Variants in TEX36 observed in about 807,000 individuals in gnomAD.
The protein encoded by TEX36 is testis-expressed protein 36.
TEX36 carries 12 observed loss-of-function variants against 13.6 expected under a neutral mutation model. The observed-to-expected ratio is 0.88, with a 90% CI of 0.56 to 1.43. The LOEUF (loss-of-function observed/expected upper bound fraction) is 1.43, where lower values mean the gene tolerates loss of function less well. Ranked by LOEUF, TEX36 falls within the 40% of genes most tolerant of loss-of-function variation. The pLI, the probability that TEX36 is intolerant of heterozygous loss-of-function variation, is 0.00. For synonymous variants in TEX36, 93 were observed against 83.0 expected, an observed-to-expected ratio of 1.12 and a Z score of -0.65; for missense variants, 224 against 228.3, an observed-to-expected ratio of 0.98 and a Z score of 0.12.
At chr10:125,624,094 A>G (rs1253544243) in intron 3 of TEX36, among the ~76,000 whole-genome samples, 2 of 152,348 alleles carry the variant, frequency 1.3e-5, no homozygotes, top group East Asian at 3.9e-4. Flanking sequence ...TAAGCTGGAC[A>G]AACTGCAGTC....
chr10:125,583,174 C>T (rs1368345237), intron 3 of TEX36, among the ~76,000 whole-genome samples: 5 of 152,196 alleles, frequency 3.3e-5, no homozygotes, highest in Non-Finnish European at 4.4e-5. Flanking sequence ...AGTTTACTTT[C>T]CCTGATACAT....
rs533603147 is a variant in TEX36 at position 125,586,782 on chromosome 10, C to A, written c.265-9908G>T. Among the ~76,000 whole-genome samples the A allele has an allele frequency of 5.3e-5, 8 of 151,326 alleles. No homozygotes were observed. The East Asian group carries it at 1.2e-3, about 22-fold the overall frequency. ...CTCCAGTCTGGGCTCCAAAATGAGACCCTGTCTAAAAAAAAAGAAGAAAAA... is the reference window on the plus strand; with the variant it reads ...CTCCAGTCTGGGCTCCAAAATGAGAACCTGTCTAAAAAAAAAGAAGAAAAA... On this transcript the variant is annotated intron_variant, in intron 3 of 3. Transcript: ENST00000532135.
At chr10:125,670,435 T>C (rs1847204896) in intron 1 of TEX36, among the ~76,000 whole-genome samples, 1 of 152,142 alleles carries the variant, frequency 6.6e-6, no homozygotes, top group Admixed American at 6.5e-5. Flanking sequence ...CACTTTTTAA[T>C]GGGGTTTTTT....
At chr10:125,595,955 GT>G (rs1846077871) in intron 3 of TEX36, among the ~76,000 whole-genome samples, 1 of 152,182 alleles carries the variant, frequency 6.6e-6, no homozygotes, top group African/African-American at 2.4e-5. Context: ...GCTCCAAAGT[GT>G]TTCTTAAACA....
At chr10:125,580,368 A>G (rs1845868763) in intron 3 of TEX36, among the ~76,000 whole-genome samples, 1 of 152,212 alleles carries the variant, frequency 6.6e-6, no homozygotes, top group African/African-American at 2.4e-5. Flanking sequence ...ACCCTTTGTC[A>G]AAAGGTTTTC....
chr10:125,595,380 A>G (rs1846069800), intron 3 of TEX36, among the ~76,000 whole-genome samples: 1 of 152,248 alleles, frequency 6.6e-6, no homozygotes, highest in Admixed American at 6.5e-5. Context: ...AGACAAGAAC[A>G]TTCAGAAAAA....
intron 1 of TEX36, among the ~76,000 whole-genome samples, chr10:125,682,631 A>G (rs958913075): frequency 2.6e-5 from 4 of 152,224 alleles, no homozygotes; most frequent in African/African-American, 9.6e-5. Flanking sequence ...AGATAAGAGA[A>G]TAAGTTCTGT....
chr10:125,597,853 T>C (rs532367224), intron 3 of TEX36, among the ~76,000 whole-genome samples: 8 of 152,368 alleles, frequency 5.3e-5, no homozygotes, highest in African/African-American at 1.9e-4. Flanking sequence ...CAAGGACATA[T>C]GCTAGGTGTT....
chr10:125,586,337 A>G (rs554626137), intron 3 of TEX36, among the ~76,000 whole-genome samples: 1 of 152,346 alleles, frequency 6.6e-6, no homozygotes, highest in East Asian at 1.9e-4. Context: ...TGAACAACCT[A>G]GATAGACACT....
In TEX36 at chr10:125,669,298, TAAATAAATA is replaced by T. The variant is rs1334917240; in HGVS notation, c.52-7330_52-7322del. On this transcript the variant is annotated intron_variant, in intron 1 of 3. Coordinates refer to ENST00000368821, the MANE Select transcript of TEX36 (RefSeq NM_001128202.3). ...GAGTGAGACTCCATCTCAAAAAAAA[TAAATAAATA>T]AAATAAATAAATAAATACAAAACTT... is the stretch of plus-strand genomic sequence containing the variant. Among the ~76,000 whole-genome samples the T allele has an allele frequency of 1.1e-3, 164 of 149,016 alleles. 1 individual carries two copies. Among genetic ancestry groups the T allele is most frequent in the African/African-American group, 3.8e-3 (154 of 40,240 alleles).
exon 4 of TEX36, chr10:125,576,660 A>C: frequency 1.4e-6 from 2 of 1,478,674 alleles, no homozygotes; most frequent in Admixed American, 4.3e-5. Flanking sequence ...AGCTAGGCTA[A>C]GACAAAAGGT....
chr10:125,622,307 T>C (rs1352246153), intron 3 of TEX36, among the ~76,000 whole-genome samples: 2 of 152,190 alleles, frequency 1.3e-5, no homozygotes, highest in African/African-American at 2.4e-5. Flanking sequence ...TTATGTTACA[T>C]GATAAAGGAA....
intron 3 of TEX36, among the ~76,000 whole-genome samples, chr10:125,579,701 T>G (rs984717783): frequency 6.6e-6 from 1 of 152,058 alleles, no homozygotes; most frequent in Non-Finnish European, 1.5e-5. Flanking sequence ...TGATAGTGAG[T>G]GAATTCTCGT....
intron 3 of TEX36, among the ~76,000 whole-genome samples, chr10:125,602,384 A>G (rs1388499153): frequency 6.6e-6 from 1 of 152,126 alleles, no homozygotes; most frequent in African/African-American, 2.4e-5. Flanking sequence ...CTCTCATCAC[A>G]TCCCTCTACC....
At chr10:125,601,144 C>A (rs754692610) in intron 3 of TEX36, among the ~76,000 whole-genome samples, 5 of 152,162 alleles carry the variant, frequency 3.3e-5, no homozygotes, top group Admixed American at 1.3e-4. Context: ...ATGCCCACAT[C>A]CTAATATTTT....
intron 3 of TEX36, among the ~76,000 whole-genome samples, chr10:125,598,560 C>T (rs1846108635): frequency 6.6e-6 from 1 of 152,316 alleles, no homozygotes. Context: ...TCATCCATTG[C>T]CAAGCCGGCC....
intron 3 of TEX36, among the ~76,000 whole-genome samples, chr10:125,645,624 C>T (rs1846758496): frequency 2.0e-5 from 3 of 152,136 alleles, no homozygotes; most frequent in African/African-American, 4.8e-5. Context: ...CATTATTATT[C>T]CAGATATCCT....
At position 125,604,165 on chromosome 10, in the gene TEX36, C is replaced by T. The variant is rs73375995; in HGVS notation, c.265-27291G>A. On this transcript the variant is annotated intron_variant, in intron 3 of 3. Transcript: ENST00000532135. ...AAGAACTCTCAATGGCAGGGTTCCCCGACCAGTACCAGTTGGTGGCCTGTT... is the reference window on the plus strand; with the variant it reads ...AAGAACTCTCAATGGCAGGGTTCCCTGACCAGTACCAGTTGGTGGCCTGTT... Among the ~76,000 whole-genome samples, 1,305 of 152,236 alleles carry T rather than the reference C, an allele frequency of 8.6e-3. 16 individuals are homozygous for T. Among genetic ancestry groups the T allele is most frequent in the African/African-American group, 0.03 (1,227 of 41,540 alleles).
intron 3 of TEX36, among the ~76,000 whole-genome samples, chr10:125,645,248 C>A (rs1187138204): frequency 6.6e-6 from 1 of 152,178 alleles, no homozygotes; most frequent in East Asian, 1.9e-4. Flanking sequence ...CTCCAAAATT[C>A]ATGTTAACAC....
Sources: allele counts gnomAD v4.1 joint callset (sites outside exome capture counted in the v4.1 genomes callset), GRCh38; gene constraint gnomAD v4.1.1; transcripts MANE v1.5; gene names NCBI Gene and HGNC (gene_info 2026-07-23, HGNC 2026-07-21).